The following PLEKHM2 variants were observed in gnomAD, a reference collection of about 807,000 sequenced individuals.
PLEKHM2 encodes pleckstrin homology and RUN domain containing M2.
In PLEKHM2, 77 loss-of-function variants were observed where a neutral mutation model predicts 116.3. The ratio of observed to expected loss-of-function variants is 0.66; its 90% CI spans 0.55 to 0.80. The LOEUF is 0.80. PLEKHM2 is among the 30% of genes least tolerant of loss of function. The probability of loss-of-function intolerance (pLI) is 0.00; values close to 1 mark genes in which losing one functional copy is unlikely to be tolerated. For synonymous variants in PLEKHM2, 562 were observed against 571.0 expected, an observed-to-expected ratio of 0.98 and a Z score of 0.22; for missense variants, 1,183 against 1,354.9, an observed-to-expected ratio of 0.87 and a Z score of 1.99.
At chr1:15,691,271 T>C (rs1039318274) in intron 1 of PLEKHM2, among the ~76,000 whole-genome samples, 1 of 152,126 alleles carries the variant, frequency 6.6e-6, no homozygotes, top group Non-Finnish European at 1.5e-5. Flanking sequence ...AAGGTCTCAC[T>C]ATGTTGCCCA....
chr1:15,698,541 CTTTCTTTCTT>C lies in PLEKHM2; in HGVS notation c.60+13927_60+13936del, dbSNP rs1387541397. ...TGTTTTTCTTTCTTTTTCTTTCTTT[CTTTCTTTCTT>C]TTTTTTTTTTTTTTTTGACATAGTC... is the stretch of plus-strand genomic sequence containing the variant. On this transcript the variant is annotated intron_variant, in intron 1 of 19. Transcript: ENST00000375799. Among the ~76,000 whole-genome samples the C allele has an allele frequency of 8.2e-3, 1,136 of 138,950 alleles. 15 individuals are homozygous for C. The highest frequency in any genetic ancestry group is 0.03 in the African/African-American group (1,042 of 34,302). 91.2% of individuals were successfully genotyped at this position (138,950 alleles called of 152,430 possible).
chr1:15,723,456 A>G (rs951479137), intron 7 of PLEKHM2: 3 of 151,642 alleles, frequency 2.0e-5, no homozygotes, highest in African/African-American at 7.3e-5. Context: ...ACTTAAAAAA[A>G]AAAAAAAAGG....
chr1:15,728,189 G>C lies in PLEKHM2; in HGVS notation c.1830+41G>C. 6.2e-7 allele frequency: 1 copy of C among 1,606,004 alleles called. No homozygotes were observed. The highest frequency in any genetic ancestry group is 8.5e-7 in the Non-Finnish European group (1 of 1,173,966). On this transcript the variant is annotated intron_variant, in intron 10 of 19. Coordinates refer to ENST00000375799, the MANE Select transcript of PLEKHM2 (RefSeq NM_015164.4). The surrounding 1 kb of genome is among the most constrained non-coding windows in gnomAD (Gnocchi z 5.9). ...TCAGGAGTGAGCAAGAGACGGCAAG[G>C]GCAAGGCGGGATGGGCCACCGCCCC...
intron 8 of PLEKHM2, among the ~76,000 whole-genome samples, chr1:15,726,643 G>A (rs969772823): frequency 1.3e-5 from 2 of 152,194 alleles, no homozygotes; most frequent in African/African-American, 2.4e-5. Context: ...ATCCACATCC[G>A]AAGGGGGGCT....
At chr1:15,720,768 A>G (rs1468445615) in intron 6 of PLEKHM2, 1 of 152,180 alleles carries the variant, frequency 6.6e-6, no homozygotes, top group Non-Finnish European at 1.5e-5. Flanking sequence ...CCAGGAAGGG[A>G]GGTCCCTCTC....
intron 1 of PLEKHM2, among the ~76,000 whole-genome samples, chr1:15,697,875 A>G (rs1012610868): frequency 3.3e-5 from 5 of 152,012 alleles, no homozygotes; most frequent in Non-Finnish European, 4.4e-5. Context: ...ATATCTTTCA[A>G]TAGAGCTGCC....
intron 8 of PLEKHM2, chr1:15,725,888 G>A (rs1032052966): frequency 3.1e-6 from 1 of 318,674 alleles, no homozygotes; most frequent in African/African-American, 2.1e-5. Flanking sequence ...TTGTGGCGGG[G>A]AGTGGAGAGA....
chr1:15,724,259 C>T (rs2068031750), intron 7 of PLEKHM2, among the ~76,000 whole-genome samples: 1 of 152,146 alleles, frequency 6.6e-6, no homozygotes, highest in South Asian at 2.1e-4. Context: ...CCGAGGCGGG[C>T]AGATCACGAG....
chr1:15,729,146 C>T lies in PLEKHM2; in HGVS notation c.2031C>T (p.Arg677=). The change falls in exon 13 of 20, where the codon CGC becomes CGT. Residue 677 remains arginine (R), a synonymous_variant. Coordinates refer to ENST00000375799, the MANE Select transcript of PLEKHM2 (RefSeq NM_015164.4). The surrounding 1 kb of genome is among the most constrained non-coding windows in gnomAD (Gnocchi z 4.7). ...CGGTGAAGCTGGTGTGCACCAACCG[C>T]AGGAAGCAGTTTCTGCTGGACACGG... ...QQTVKLVCTN[R]RKQFLLDTAD... 2 of 1,612,168 alleles carry T rather than the reference C, an allele frequency of 1.2e-6. 1 individual carries two copies. Among genetic ancestry groups the T allele is most frequent in the South Asian group, 2.2e-5 (2 of 90,586 alleles).
rs536599433 is a variant in PLEKHM2, at chr1:15,732,471, C to T, written c.2747C>T (p.Ala916Val). 4.0e-4 allele frequency: 642 copies of T among 1,604,830 alleles called. 6 individuals are homozygous for T. In the South Asian group the frequency reaches 6.9e-3, roughly 17 times the overall value. Reference sequence around the variant, plus strand: ...AGCTTCTTCCGCTCTTTGGGCACAGCCAAGCTGGGCGACATCAGCGCCGTC... The same window carrying T: ...AGCTTCTTCCGCTCTTTGGGCACAGTCAAGCTGGGCGACATCAGCGCCGTC... ...QTSFFRSLGT[A>V]KLGDISAVST... The change falls in exon 18 of 20, where the codon GCC becomes GTC. Residue 916 changes from alanine to valine, a missense_variant. By Grantham distance (64) the Ala-to-Val change is moderately conservative. This residue lies in a region of PLEKHM2 where 594 missense variants were observed against 720.1 expected (regional missense o/e 0.82). Transcript: ENST00000375799.
In PLEKHM2 at chr1:15,731,188, G is replaced by T; in HGVS notation, c.2400-4G>T. The T allele has an allele frequency of 6.3e-7, 1 of 1,592,018 alleles. No homozygotes were observed. On this transcript the variant is annotated splice_polypyrimidine_tract_variant and splice_region_variant and intron_variant, in intron 15 of 19. Coordinates refer to ENST00000375799, the MANE Select transcript of PLEKHM2 (RefSeq NM_015164.4). ...CTCACTCGCCCTGTGTTGTGCCCCT[G>T]CAGCAACGGGATCCTCTACCAGTAC...
intron 7 of PLEKHM2, among the ~76,000 whole-genome samples, chr1:15,724,597 G>A (rs1284214562): frequency 6.6e-6 from 1 of 152,110 alleles, no homozygotes; most frequent in Non-Finnish European, 1.5e-5. Context: ...AGCCTGGGGG[G>A]CGGCCTCTCG....
At chr1:15,708,321 GTTC>G (rs1279465577) in intron 1 of PLEKHM2, among the ~76,000 whole-genome samples, 2 of 150,966 alleles carry the variant, frequency 1.3e-5, no homozygotes, top group African/African-American at 4.9e-5. Flanking sequence ...GGTTCAAGCA[GTTC>G]TTCTGCCTCA....
rs1453136109 is a variant in PLEKHM2, at chr1:15,710,005, A to T, written c.61-6232A>T. On this transcript the variant is annotated intron_variant, in intron 1 of 19. Coordinates refer to ENST00000375799, the MANE Select transcript of PLEKHM2 (RefSeq NM_015164.4). ...CTTTGGAGGCCGAGATGGGCAGATC[A>T]CGAGGTCAGGATATCGAGACCATCC... Among the ~76,000 whole-genome samples the T allele has an allele frequency of 2.6e-5, 4 of 152,016 alleles. No individual in the cohort carries two copies. The South Asian group carries it at 8.3e-4, about 32-fold the overall frequency.
intron 1 of PLEKHM2, among the ~76,000 whole-genome samples, chr1:15,704,511 A>C (rs569229504): frequency 6.6e-6 from 1 of 152,226 alleles, no homozygotes; most frequent in Non-Finnish European, 1.5e-5. Flanking sequence ...CGTATTGTTA[A>C]AAAATGAGGA....
At position 15,728,969 on chromosome 1, in the gene PLEKHM2, C is replaced by T; in HGVS notation, c.1987-133C>T. The stretch of plus-strand genomic sequence containing the variant: ...TCCCTCACTCATGCCAGCCCCTGGC[C>T]TCTGGGGCTTTACTTGGTGGTGGCC... On this transcript the variant is annotated intron_variant, in intron 12 of 19. Transcript: ENST00000375799. This position sits in a 1 kb window ranked among gnomAD's most constrained non-coding sequence, Gnocchi z 5.9. 6.9e-6 allele frequency: 6 copies of T among 872,348 alleles called. No individual in the cohort carries two copies. The highest frequency in any genetic ancestry group is 1.1e-5 in the Non-Finnish European group (6 of 545,768). The allele number at this position is 872,348 out of a possible 1,614,324, so 54.0% of individuals were successfully genotyped here.
chr1:15,730,124 C>T (rs1463561382), intron 14 of PLEKHM2, among the ~76,000 whole-genome samples, 195 bp downstream of exon 14: 1 of 152,206 alleles, frequency 6.6e-6, no homozygotes, highest in African/African-American at 2.4e-5. Context: ...ACCTTCCTAC[C>T]TGGGGTGTGT....
intron 1 of PLEKHM2, among the ~76,000 whole-genome samples, chr1:15,697,806 T>C (rs929767280): frequency 6.6e-6 from 1 of 152,052 alleles, no homozygotes; most frequent in Non-Finnish European, 1.5e-5. Flanking sequence ...AATTTTTTTT[T>C]TTTGTACATT....
chr1:15,719,948 A>C lies in PLEKHM2; in HGVS notation c.652+28A>C. Reference sequence around the variant, plus strand: ...GAGTGGCCCCAGGGCAGAAAAGCTAAGCCCCTGTTGTGAAACAGACTTGAA... The same window carrying C: ...GAGTGGCCCCAGGGCAGAAAAGCTACGCCCCTGTTGTGAAACAGACTTGAA... On this transcript the variant is annotated intron_variant, in intron 6 of 19. Transcript: ENST00000375799. The surrounding 1 kb of genome is among the most constrained non-coding windows in gnomAD (Gnocchi z 4.1). 24 of 1,585,402 alleles carry C rather than the reference A, an allele frequency of 1.5e-5. No individual in the cohort carries two copies. Among genetic ancestry groups the C allele is most frequent in the Non-Finnish European group, 2.0e-5 (23 of 1,160,232 alleles).
Sources: allele counts gnomAD v4.1 joint callset (sites outside exome capture counted in the v4.1 genomes callset), GRCh38; gene constraint gnomAD v4.1.1; regional missense constraint gnomAD v4.1.1; non-coding constraint Gnocchi (gnomAD v3.1); transcripts MANE v1.5; gene names NCBI Gene and HGNC (gene_info 2026-07-23, HGNC 2026-07-21).